C1orf21: variants seen among roughly 807,000 people sequenced by gnomAD.
The protein encoded by C1orf21 is chromosome 1 open reading frame 21, also known as uncharacterized protein C1orf21.
Under a neutral mutation model 18.7 loss-of-function variants are expected in C1orf21, and 3 were observed. The observed-to-expected ratio is 0.16, with a 90% CI of 0.07 to 0.42. The LOEUF is 0.42. Ranked by LOEUF, C1orf21 falls within the 10% of genes least tolerant of loss-of-function variation. C1orf21 has a pLI of 0.99. For synonymous variants in C1orf21, 41 were observed against 46.4 expected (o/e 0.88, Z 0.47); for missense variants, 104 against 143.6 (o/e 0.72, Z 1.41).
chr1:184,475,012 T>G (rs1428889373), intron 1 of C1orf21, among the ~76,000 whole-genome samples: 1 of 152,106 alleles, frequency 6.6e-6, no homozygotes, highest in Non-Finnish European at 1.5e-5. Context: ...AAAGCAGAAG[T>G]AGCAACAGCA....
chr1:184,618,587 C>T (rs967343016), intron 5 of C1orf21, among the ~76,000 whole-genome samples: 2 of 151,638 alleles, frequency 1.3e-5, no homozygotes, highest in African/African-American at 4.9e-5. Context: ...TTATTAGTAT[C>T]GTTAAGTATT....
chr1:184,564,838 A>G (rs1267777660), intron 3 of C1orf21, among the ~76,000 whole-genome samples: 3 of 152,156 alleles, frequency 2.0e-5, no homozygotes, highest in Admixed American at 2.0e-4. Context: ...CACCTCTGCC[A>G]TGTTTCACCT....
intron 3 of C1orf21, among the ~76,000 whole-genome samples, chr1:184,544,292 A>C (rs1339570): frequency 0.17 from 26,365 of 152,232 alleles, 2,584 homozygotes; most frequent in East Asian, 0.31. Context: ...AAGTTGAGGC[A>C]GGGTGGCTCA....
chr1:184,407,357 T>C (rs901457562), intron 1 of C1orf21, among the ~76,000 whole-genome samples: 7 of 152,026 alleles, frequency 4.6e-5, no homozygotes, highest in Admixed American at 3.3e-4. Context: ...ATGTCTAAAA[T>C]GGGAAAAAAA....
chr1:184,475,734 G>GGTGTGTGTGT (rs10553261), intron 1 of C1orf21, among the ~76,000 whole-genome samples: 3 of 138,142 alleles, frequency 2.2e-5, no homozygotes, highest in East Asian at 2.2e-4. Context: ...AATGGAATAG[G>GGTGTGTGTGT]GTGTGTGTGT....
intron 1 of C1orf21, among the ~76,000 whole-genome samples, chr1:184,446,270 T>C (rs1657028549): frequency 1.3e-5 from 2 of 152,242 alleles, no homozygotes; most frequent in Admixed American, 1.3e-4. Context: ...TTTTTATATT[T>C]TTCTGTCTCT....
chr1:184,533,756 G>T (rs565253318), intron 3 of C1orf21, among the ~76,000 whole-genome samples: 1 of 152,336 alleles, frequency 6.6e-6, no homozygotes, highest in East Asian at 1.9e-4. Flanking sequence ...TCAGGAAAGG[G>T]TGAATGGATG....
chr1:184,501,370 C>G (rs1657974747), intron 2 of C1orf21, among the ~76,000 whole-genome samples: 1 of 152,142 alleles, frequency 6.6e-6, no homozygotes, highest in African/African-American at 2.4e-5. Context: ...TTCACTGACC[C>G]CTTGCCCGAA....
At chr1:184,496,870 T>G (rs1571385908) in intron 2 of C1orf21, among the ~76,000 whole-genome samples, 1 of 152,234 alleles carries the variant, frequency 6.6e-6, no homozygotes, top group East Asian at 1.9e-4. Context: ...CTGCAGTTCT[T>G]TTTTTCTATT....
intron 5 of C1orf21, among the ~76,000 whole-genome samples, chr1:184,607,634 C>CAT (rs1168803270): frequency 1.3e-5 from 2 of 149,672 alleles, no homozygotes; most frequent in African/African-American, 2.5e-5. Context: ...TATACACATA[C>CAT]ATATATATGT....
At chr1:184,531,338 C>T (rs762151788) in intron 3 of C1orf21, among the ~76,000 whole-genome samples, 11 of 152,130 alleles carry the variant, frequency 7.2e-5, no homozygotes, top group Non-Finnish European at 1.0e-4. Flanking sequence ...CTTCTCTCTC[C>T]TTCTTTCAAC....
chr1:184,492,812 G>A lies in C1orf21; in HGVS notation c.95-14776G>A, dbSNP rs112571635. Among the ~76,000 whole-genome samples, 838 of 152,310 alleles carry A rather than the reference G, an allele frequency of 5.5e-3. 7 individuals are homozygous for A. The highest frequency in any genetic ancestry group is 0.018 in the African/African-American group (741 of 41,558). On this transcript the variant is annotated intron_variant, in intron 2 of 5. Coordinates refer to ENST00000235307, the MANE Select transcript of C1orf21 (RefSeq NM_030806.4). ...GGTTTGTGGTAGAAGTCAGGGTAGG[G>A]TAGATTGGTCCTGTTGTTTGAAAAG...
chr1:184,604,959 G>A (rs1659629697), intron 5 of C1orf21, among the ~76,000 whole-genome samples: 1 of 152,200 alleles, frequency 6.6e-6, no homozygotes, highest in African/African-American at 2.4e-5. Context: ...ATAGTCATGA[G>A]TCCAAATAAA....
chr1:184,591,241 A>G (rs1659432014), intron 4 of C1orf21, among the ~76,000 whole-genome samples: 1 of 152,192 alleles, frequency 6.6e-6, no homozygotes, highest in Non-Finnish European at 1.5e-5. Context: ...CTACCAGATA[A>G]TCAAGATCTA....
intron 3 of C1orf21, chr1:184,567,647 A>T: frequency 2.4e-6 from 1 of 409,014 alleles, no homozygotes; most frequent in South Asian, 2.1e-5. Context: ...GCAGCCTACA[A>T]TGGCATCACC....
chr1:184,524,758 C>A (rs1048751313), intron 3 of C1orf21, among the ~76,000 whole-genome samples: 7 of 151,958 alleles, frequency 4.6e-5, no homozygotes, highest in Non-Finnish European at 1.0e-4. Flanking sequence ...AAATTTCAAA[C>A]CCCTAAAGAG....
intron 1 of C1orf21, among the ~76,000 whole-genome samples, chr1:184,475,473 C>T (rs1220174857): frequency 6.6e-6 from 1 of 152,126 alleles, no homozygotes; most frequent in Non-Finnish European, 1.5e-5. Context: ...TGGTAAATTT[C>T]TACCAAACCT....
At chr1:184,504,708 C>G (rs968651469) in intron 2 of C1orf21, among the ~76,000 whole-genome samples, 2 of 152,068 alleles carry the variant, frequency 1.3e-5, no homozygotes, top group Non-Finnish European at 2.9e-5. Flanking sequence ...TCTTGCCCAG[C>G]TTTTTTTGTT....
intron 2 of C1orf21, among the ~76,000 whole-genome samples, chr1:184,481,003 G>C (rs967241659): frequency 5.3e-5 from 8 of 152,138 alleles, no homozygotes; most frequent in African/African-American, 1.9e-4. Flanking sequence ...CTCCTTGTGG[G>C]AGAGAGTTTC....
Sources: allele counts gnomAD v4.1 joint callset (sites outside exome capture counted in the v4.1 genomes callset), GRCh38; gene constraint gnomAD v4.1.1; transcripts MANE v1.5; gene names NCBI Gene and HGNC (gene_info 2026-07-23, HGNC 2026-07-21).